The following BRD7 variants were observed in gnomAD, a reference collection of about 807,000 sequenced individuals.
BRD7 encodes the protein bromodomain containing 7, also known as bromodomain-containing protein 7.
A neutral mutation model predicts 82.1 loss-of-function variants in BRD7; 15 were observed. That is an observed-to-expected ratio of 0.18 (90% CI 0.12 to 0.28). BRD7 has a LOEUF of 0.28. BRD7 is among the 10% of genes least tolerant of loss of function. BRD7 has a pLI of 1.00. For synonymous variants in BRD7, 232 were observed against 266.9 expected, an observed-to-expected ratio of 0.87 and a Z score of 1.27; for missense variants, 638 against 779.9, an observed-to-expected ratio of 0.82 and a Z score of 2.17.
chr16:50,331,419 A>C (rs1315633200), intron 8 of BRD7, among the ~76,000 whole-genome samples: 1 of 152,232 alleles, frequency 6.6e-6, no homozygotes, highest in Non-Finnish European at 1.5e-5. Flanking sequence ...ACTATACTAC[A>C]GGCTGGGCAC....
intron 2 of BRD7, among the ~76,000 whole-genome samples, chr16:50,366,445 A>G (rs142651460): frequency 4.6e-4 from 70 of 152,388 alleles, no homozygotes; most frequent in African/African-American, 1.7e-3. Context: ...GAGTTTGGGA[A>G]GAATTATTAA....
chr16:50,317,508 T>C lies in BRD7; in HGVS notation c.*1703A>G, dbSNP rs2036858887. 3 of 152,364 alleles carry C rather than the reference T, an allele frequency of 2.0e-5. No individual in the cohort carries two copies. The highest frequency in any genetic ancestry group is 6.5e-5 in the Admixed American group (1 of 15,288). The allele number at this position is 152,364 out of a possible 1,614,324, so 9.4% of individuals were successfully genotyped here. A position where few individuals can be genotyped will look rare whatever the true frequency, so the allele number is the denominator to read the frequency against. ...TGTACTCTTGGAATATTTGTTTTTT[T>C]CTTCAGTAACAACAGAAACCCCAGT... On this transcript the variant is annotated 3_prime_UTR_variant, in exon 17 of 17. Transcript: ENST00000394688.
Position 50,333,679 on chromosome 16 carries a change from A to G in BRD7, c.906T>C (p.Leu302=), listed in dbSNP as rs761289363. The change falls in exon 8 of 17, where the codon CTT becomes CTC. Residue 302 remains leucine, a synonymous_variant. Coordinates refer to ENST00000394688, the MANE Select transcript of BRD7 (RefSeq NM_013263.5). The part of the protein sequence containing the change: ...KENKKKDKDM[L]EDKFKSNNLE... The stretch of plus-strand genomic sequence containing the variant: ...AATTATTGCTTTTAAACTTATCTTC[A>G]AGCATATCTTTGTCTTTCCTGAAAA... 2.5e-6 allele frequency: 4 copies of G among 1,591,830 alleles called. No homozygotes were observed. Among genetic ancestry groups the G allele is most frequent in the Non-Finnish European group, 3.4e-6 (4 of 1,161,824 alleles).
chr16:50,360,018 G>A (rs1264964194), intron 2 of BRD7, among the ~76,000 whole-genome samples: 1 of 152,244 alleles, frequency 6.6e-6, no homozygotes, highest in Middle Eastern at 3.4e-3. Flanking sequence ...CAACTTGATG[G>A]CAAGTTATTT....
Position 50,354,789 on chromosome 16 carries a change from C to G in BRD7, c.388+4G>C. ...CAGGATAGTTAATTCAGAGTTATTC[C>G]AACCTTCTTGTTTGGCTAAAGAGCT... On this transcript the variant is annotated splice_donor_region_variant and intron_variant, in intron 3 of 16. Coordinates refer to ENST00000394688, the MANE Select transcript of BRD7 (RefSeq NM_013263.5). 1 of 1,610,294 alleles carries G rather than the reference C, an allele frequency of 6.2e-7. No individual in the cohort carries two copies. Among genetic ancestry groups the G allele is most frequent in the Non-Finnish European group, 8.5e-7 (1 of 1,179,390 alleles).
Position 50,318,076 on chromosome 16 carries a change from A to ATAAAG in BRD7, c.*1130_*1134dup, listed in dbSNP as rs1049871066. ...TGTTTCAAAATGCTGTTTCATTTTT[A>ATAAAG]TAAAGTACCAGTGTTTAGCTGCTTT... is the stretch of plus-strand genomic sequence containing the variant. On this transcript the variant is annotated 3_prime_UTR_variant, in exon 17 of 17. Transcript: ENST00000394688. The ATAAAG allele has an allele frequency of 3.3e-5, 5 of 152,328 alleles. No homozygotes were observed. The highest frequency in any genetic ancestry group is 4.8e-5 in the African/African-American group (2 of 41,468). The allele number at this position is 152,328 out of a possible 1,614,324, so 9.4% of individuals were successfully genotyped here.
At chr16:50,341,465 AC>A (rs2038049648) in intron 5 of BRD7, among the ~76,000 whole-genome samples, 1 of 151,430 alleles carries the variant, frequency 6.6e-6, no homozygotes, top group Admixed American at 6.6e-5. Context: ...ACATGGTGAA[AC>A]CCCGTCTCTA....
At chr16:50,354,136 T>C (rs1567284065) in intron 4 of BRD7, among the ~76,000 whole-genome samples, 1 of 152,248 alleles carries the variant, frequency 6.6e-6, no homozygotes, top group African/African-American at 2.4e-5. Context: ...AGTGGAAATA[T>C]CTGTATTGTT....
intron 11 of BRD7, 44 bp downstream of exon 11, chr16:50,325,704 A>C (rs2037307736): frequency 6.5e-7 from 1 of 1,528,528 alleles, no homozygotes; most frequent in African/African-American, 1.4e-5. Flanking sequence ...ATGTACTTTA[A>C]TGTTTTTAAA....
rs2036954159 is a variant in BRD7 at position 50,319,170 on chromosome 16, A to G, written c.*41T>C. On this transcript the variant is annotated 3_prime_UTR_variant, in exon 17 of 17. Transcript: ENST00000394688. ...GAAAAGCATTTCTAAGTTAAGAATG[A>G]AAAAGTATGTACATAATATATAATC... 6.8e-7 allele frequency: 1 copy of G among 1,472,440 alleles called. No homozygotes were observed. Among genetic ancestry groups the G allele is most frequent in the African/African-American group, 1.4e-5 (1 of 70,066 alleles). 91.2% of individuals were successfully genotyped at this position (1,472,440 alleles called of 1,614,324 possible).
rs1244474785 is a variant in BRD7, at chr16:50,318,230, G to A, written c.*981C>T. ...TGAAAATTTGACTCTTTTAGCATAAGATTTTAAGTCTTTTGAGGGAATTAA... is the reference window on the plus strand; with the variant it reads ...TGAAAATTTGACTCTTTTAGCATAAAATTTTAAGTCTTTTGAGGGAATTAA... On this transcript the variant is annotated 3_prime_UTR_variant, in exon 17 of 17. Coordinates refer to ENST00000394688, the MANE Select transcript of BRD7 (RefSeq NM_013263.5). 1 of 152,162 alleles carries A rather than the reference G, an allele frequency of 6.6e-6. No homozygotes were observed. Among genetic ancestry groups the A allele is most frequent in the African/African-American group, 2.4e-5 (1 of 41,434 alleles). The allele number at this position is 152,162 out of a possible 1,614,324, so 9.4% of individuals were successfully genotyped here.
chr16:50,343,334 T>C (rs1028985311), intron 5 of BRD7, among the ~76,000 whole-genome samples: 4 of 152,270 alleles, frequency 2.6e-5, no homozygotes, highest in South Asian at 2.1e-4. Context: ...AAGTGTGTAG[T>C]GATAGGTTCC....
intron 5 of BRD7, among the ~76,000 whole-genome samples, chr16:50,344,876 A>T (rs2038218063): frequency 1.3e-5 from 2 of 152,228 alleles, no homozygotes; most frequent in South Asian, 2.1e-4. Context: ...TCCCCAACCT[A>T]GCAAGGCAGG....
intron 13 of BRD7, among the ~76,000 whole-genome samples, chr16:50,321,230 G>C (rs1728442584): frequency 6.6e-6 from 1 of 152,076 alleles, no homozygotes; most frequent in African/African-American, 2.4e-5. Flanking sequence ...CTCCAAACTA[G>C]GCTGTCAGTA....
chr16:50,323,301 T>C lies in BRD7; in HGVS notation c.1443+286A>G, dbSNP rs546030246. On this transcript the variant is annotated intron_variant, in intron 12 of 16. Transcript: ENST00000394688. ...AGTGAGCAAAACTTTCCTTTTTTGT[T>C]AGAGGACACAATGCCCACTGACTTC... is the stretch of plus-strand genomic sequence containing the variant. Among the ~76,000 whole-genome samples, 3 of 152,362 alleles carry C rather than the reference T, an allele frequency of 2.0e-5. No homozygotes were observed. The South Asian group carries it at 6.2e-4, about 32-fold the overall frequency.
chr16:50,362,937 C>G (rs1248671816), intron 2 of BRD7, among the ~76,000 whole-genome samples: 1 of 151,984 alleles, frequency 6.6e-6, no homozygotes, highest in East Asian at 1.9e-4. Context: ...TACCACAATC[C>G]AACAAAATAG....
At chr16:50,360,904 G>C (rs2038911286) in intron 2 of BRD7, among the ~76,000 whole-genome samples, 1 of 152,208 alleles carries the variant, frequency 6.6e-6, no homozygotes, top group Admixed American at 6.5e-5. Flanking sequence ...TGCTGAGAAA[G>C]GGGGAGGGTT....
rs1254611515 is a variant in BRD7 at position 50,368,228 on chromosome 16, GC to G, written c.119del (p.Gly40AlafsTer72). ...GGNEVTELST[G>X]SSGHDSSLFE... The stretch of plus-strand genomic sequence containing the variant: ...AGAGGCTGGAGTCGTGCCCCGAGCT[GC>G]CCGTGGAGAGTTCGGTGACTTCGTT... On this transcript the variant is annotated frameshift_variant, in exon 2 of 17. Coordinates refer to ENST00000394688, the MANE Select transcript of BRD7 (RefSeq NM_013263.5). LOFTEE classifies it high-confidence loss of function. 6.2e-7 allele frequency: 1 copy of G among 1,614,100 alleles called. No individual in the cohort carries two copies.
rs933388015 is a variant in BRD7 at position 50,345,530 on chromosome 16, T to C, written c.591+4493A>G. Reference sequence around the variant, plus strand: ...TGCTGTATTCAGGAAACCCATCTCATGTGCAGAGACACACATAGGCTCAAA... The same window carrying C: ...TGCTGTATTCAGGAAACCCATCTCACGTGCAGAGACACACATAGGCTCAAA... On this transcript the variant is annotated intron_variant, in intron 5 of 16. Transcript: ENST00000394688. Among the ~76,000 whole-genome samples the C allele has an allele frequency of 5.9e-5, 9 of 152,010 alleles. No homozygotes were observed. The East Asian group carries it at 1.7e-3, about 29-fold the overall frequency.
Sources: allele counts gnomAD v4.1 joint callset (sites outside exome capture counted in the v4.1 genomes callset), GRCh38; gene constraint gnomAD v4.1.1; transcripts MANE v1.5; gene names NCBI Gene and HGNC (gene_info 2026-07-23, HGNC 2026-07-21).